The following FSHR variants were observed in gnomAD, a reference collection of about 807,000 sequenced individuals.
FSHR encodes follicle-stimulating hormone receptor.
Under a neutral mutation model 52.1 loss-of-function variants are expected in FSHR, and 46 were observed. The ratio of observed to expected loss-of-function variants is 0.88; its 90% CI spans 0.70 to 1.13. The LOEUF is 1.13. Among genes scored for constraint, FSHR ranks in the 50% most tolerant of loss-of-function variants. FSHR has a pLI of 0.00. For missense variants in FSHR, 964 were observed against 834.6 expected, an observed-to-expected ratio of 1.16 and a Z score of -1.91; for synonymous variants, 399 against 309.6, an observed-to-expected ratio of 1.29 and a Z score of -3.03.
At chr2:49,074,320 C>CA (rs1156873864) in intron 1 of FSHR, among the ~76,000 whole-genome samples, 8 of 151,762 alleles carry the variant, frequency 5.3e-5, no homozygotes, top group Non-Finnish European at 8.8e-5. Flanking sequence ...ATCTCAACAG[C>CA]AAAAAAACAA....
intron 1 of FSHR, among the ~76,000 whole-genome samples, chr2:49,100,936 G>A (rs1223896647): frequency 6.6e-6 from 1 of 152,158 alleles, no homozygotes; most frequent in Non-Finnish European, 1.5e-5. Context: ...GAACTGGAAA[G>A]TGTTGTGTTA....
intron 1 of FSHR, among the ~76,000 whole-genome samples, chr2:49,151,969 A>G (rs954896647): frequency 2.0e-5 from 3 of 152,164 alleles, no homozygotes; most frequent in Non-Finnish European, 4.4e-5. Context: ...AGACAAAGCA[A>G]CATTTCTCTT....
chr2:49,052,703 A>G (rs1015284304), intron 2 of FSHR, among the ~76,000 whole-genome samples: 3 of 152,184 alleles, frequency 2.0e-5, no homozygotes, highest in East Asian at 1.9e-4. Flanking sequence ...ACCAGGAGCC[A>G]GTAGAATCAT....
chr2:49,061,310 C>A (rs1461596193), intron 2 of FSHR, among the ~76,000 whole-genome samples: 3 of 151,896 alleles, frequency 2.0e-5, no homozygotes, highest in Non-Finnish European at 4.4e-5. Context: ...ATGAAGCACA[C>A]CTCTCACCTG....
At chr2:48,966,860 G>A (rs1214710508) in intron 9 of FSHR, among the ~76,000 whole-genome samples, 2 of 152,210 alleles carry the variant, frequency 1.3e-5, no homozygotes, top group East Asian at 1.9e-4. Flanking sequence ...TACCCCAACA[G>A]GCCTGGATGG....
At chr2:49,107,315 T>C (rs1227397537) in intron 1 of FSHR, among the ~76,000 whole-genome samples, 1 of 152,102 alleles carries the variant, frequency 6.6e-6, no homozygotes, top group East Asian at 1.9e-4. Context: ...GTCTTCCATA[T>C]GATCTCCTCT....
intron 2 of FSHR, among the ~76,000 whole-genome samples, chr2:49,020,399 T>C (rs1419376513): frequency 6.6e-6 from 1 of 152,150 alleles, no homozygotes; most frequent in Non-Finnish European, 1.5e-5. Flanking sequence ...ATCCAGTCTA[T>C]AGTTGTAGAA....
At chr2:49,121,504 CA>C (rs201576735) in intron 1 of FSHR, among the ~76,000 whole-genome samples, 1,554 of 152,238 alleles carry the variant, frequency 0.01, 30 homozygotes, top group African/African-American at 0.036. Context: ...GAGTTGAAAG[CA>C]GTGTGGGAAG....
chr2:49,051,191 T>G (rs1572681296), intron 2 of FSHR, among the ~76,000 whole-genome samples: 1 of 152,150 alleles, frequency 6.6e-6, no homozygotes, highest in Non-Finnish European at 1.5e-5. Flanking sequence ...AAATCTGTTA[T>G]GAACATTCTT....
At chr2:49,070,306 G>A (rs368094185) in intron 1 of FSHR, among the ~76,000 whole-genome samples, 8 of 151,994 alleles carry the variant, frequency 5.3e-5, no homozygotes, top group East Asian at 3.9e-4. Flanking sequence ...TCTTTATTAA[G>A]CCATTTAAAT....
At chr2:49,004,622 T>G (rs1019324128) in intron 4 of FSHR, among the ~76,000 whole-genome samples, 7 of 152,140 alleles carry the variant, frequency 4.6e-5, no homozygotes, top group African/African-American at 1.7e-4. Flanking sequence ...TGAAGCATAT[T>G]TTGTTATTTT....
chr2:49,112,202 A>G (rs1195856922), intron 1 of FSHR, among the ~76,000 whole-genome samples: 1 of 152,182 alleles, frequency 6.6e-6, no homozygotes, highest in African/African-American at 2.4e-5. Flanking sequence ...CAAAACTGCA[A>G]CTAGGTGTGA....
chr2:49,073,716 G>C (rs935774330), intron 1 of FSHR, among the ~76,000 whole-genome samples: 2 of 151,964 alleles, frequency 1.3e-5, no homozygotes, highest in Non-Finnish European at 2.9e-5. Context: ...AACCACAAAA[G>C]ATACTGAATA....
intron 1 of FSHR, among the ~76,000 whole-genome samples, chr2:49,152,594 G>T (rs988103): frequency 0.5 from 75,797 of 151,780 alleles, 19,658 homozygotes; most frequent in East Asian, 0.7. Flanking sequence ...CTTCTGATAA[G>T]GAGATTTCAG....
intron 4 of FSHR, among the ~76,000 whole-genome samples, chr2:49,000,919 C>G (rs143163455): frequency 2.6e-5 from 4 of 152,158 alleles, no homozygotes; most frequent in South Asian, 2.1e-4. Context: ...ACAGAGGTCA[C>G]AAGTCTGACC....
chr2:49,085,216 A>T (rs201510902), intron 1 of FSHR, among the ~76,000 whole-genome samples: 4,098 of 94,796 alleles, frequency 0.043, no homozygotes, highest in Non-Finnish European at 0.05. Context: ...AATGTAATCC[A>T]GCATATAAAC....
At position 49,140,715 on chromosome 2, in the gene FSHR, G is replaced by GA. The variant is rs78678301; in HGVS notation, c.152+13550dup. Among the ~76,000 whole-genome samples the GA allele has an allele frequency of 4.3e-4, 60 of 139,730 alleles. 1 individual carries two copies. Among genetic ancestry groups the GA allele is most frequent in the Middle Eastern group, 3.6e-3 (1 of 274 alleles). 91.7% of individuals were successfully genotyped at this position (139,730 alleles called of 152,430 possible). On this transcript the variant is annotated intron_variant, in intron 1 of 9. Transcript: ENST00000406846. ...TGAGACTCCATCTCAAAAAAAGAGAGAAAAAAAAAAAGGTACAGTTCCCCA... is the reference window on the plus strand; with the variant it reads ...TGAGACTCCATCTCAAAAAAAGAGAGAAAAAAAAAAAAGGTACAGTTCCCCA...
chr2:48,967,221 G>T (rs527461397), intron 9 of FSHR, among the ~76,000 whole-genome samples: 1 of 151,898 alleles, frequency 6.6e-6, no homozygotes, highest in African/African-American at 2.4e-5. Context: ...TTAGCCTCCC[G>T]AGTAGGTGGG....
At chr2:49,149,142 T>C (rs2103857350) in intron 1 of FSHR, among the ~76,000 whole-genome samples, 1 of 152,140 alleles carries the variant, frequency 6.6e-6, no homozygotes, top group Admixed American at 6.6e-5. Flanking sequence ...CAGAAAAGTT[T>C]GAAACCTATA....
Sources: allele counts gnomAD v4.1 joint callset (sites outside exome capture counted in the v4.1 genomes callset), GRCh38; gene constraint gnomAD v4.1.1; transcripts MANE v1.5; gene names NCBI Gene and HGNC (gene_info 2026-07-23, HGNC 2026-07-21).